Variants in INPP4B observed in about 807,000 individuals in gnomAD.
INPP4B encodes the protein inositol polyphosphate 4-phosphatase type II.
INPP4B carries 55 observed loss-of-function variants against 122.5 expected under a neutral mutation model. The observed-to-expected ratio is 0.45, with a 90% CI of 0.36 to 0.56. The LOEUF is 0.56. Ranked by LOEUF, INPP4B falls within the 20% of genes least tolerant of loss-of-function variation. The pLI is 0.00. For missense variants in INPP4B, 1,000 were observed against 1,097.7 expected, an observed-to-expected ratio of 0.91 and a Z score of 1.26; for synonymous variants, 403 against 388.7, an observed-to-expected ratio of 1.04 and a Z score of -0.43.
At chr4:142,111,989 C>G (rs763965854) in intron 22 of INPP4B, among the ~76,000 whole-genome samples, 1 of 152,032 alleles carries the variant, frequency 6.6e-6, no homozygotes, top group Admixed American at 6.6e-5. Context: ...GGTGATCCAC[C>G]CTCCTCTGCC....
intron 3 of INPP4B, among the ~76,000 whole-genome samples, chr4:142,444,601 G>A (rs910415936): frequency 1.6e-4 from 25 of 151,888 alleles, no homozygotes; most frequent in Admixed American, 7.9e-4. Context: ...ACAGTGTGGC[G>A]ATTCCTCAAG....
chr4:142,685,462 A>G (rs1037552422), intron 2 of INPP4B, among the ~76,000 whole-genome samples: 2 of 152,120 alleles, frequency 1.3e-5, no homozygotes, highest in African/African-American at 4.8e-5. Flanking sequence ...TTCACAGTAT[A>G]GTTTTTTGAT....
At chr4:142,348,522 A>C (rs1424583193) in intron 7 of INPP4B, among the ~76,000 whole-genome samples, 1 of 152,006 alleles carries the variant, frequency 6.6e-6, no homozygotes, top group African/African-American at 2.4e-5. Flanking sequence ...AGAGACACTA[A>C]AAATCATCAG....
At chr4:142,089,437 CCACACACACACACACACA>C (rs36203495) in intron 23 of INPP4B, among the ~76,000 whole-genome samples, 63 of 141,520 alleles carry the variant, frequency 4.5e-4, no homozygotes, top group Non-Finnish European at 4.9e-4. Flanking sequence ...GATGTTCTCA[CCACACACACACACACACA>C]CACACACACA....
At chr4:142,558,035 G>A (rs1729601014) in intron 2 of INPP4B, among the ~76,000 whole-genome samples, 1 of 152,188 alleles carries the variant, frequency 6.6e-6, no homozygotes, top group Non-Finnish European at 1.5e-5. Flanking sequence ...CTCTTGACCT[G>A]CATCTCTGGT....
In INPP4B at chr4:142,097,066, G is replaced by GA. The variant is rs557039254; in HGVS notation, c.2375-10811dup. Among the ~76,000 whole-genome samples the GA allele has an allele frequency of 4.0e-5, 6 of 151,350 alleles. No homozygotes were observed. In the South Asian group the frequency reaches 6.3e-4, roughly 16 times the overall value. Reference sequence around the variant, plus strand: ...AGATAATTTTGTATGTTCCCATAATGAAAAAAAAGCTATTTTAAATAAAAT... The same window carrying GA: ...AGATAATTTTGTATGTTCCCATAATGAAAAAAAAAGCTATTTTAAATAAAAT... On this transcript the variant is annotated intron_variant, in intron 23 of 25. Coordinates refer to ENST00000262992, the MANE Select transcript of INPP4B (RefSeq NM_001101669.3).
Position 142,729,588 on chromosome 4 carries a change from G to C in INPP4B, c.-253-3687C>G, listed in dbSNP as rs76697825. The stretch of plus-strand genomic sequence containing the variant: ...TACTTTCTGCTCACTAAGCAAGAAG[G>C]CTCCCTCTTTGGGACAGGCACAAAG... On this transcript the variant is annotated intron_variant, in intron 1 of 25. Coordinates refer to ENST00000262992, the MANE Select transcript of INPP4B (RefSeq NM_001101669.3). 8.5e-4 allele frequency among the ~76,000 whole-genome samples: 129 copies of C among 152,232 alleles called. 1 individual carries two copies. The highest frequency in any genetic ancestry group is 2.6e-3 in the Admixed American group (40 of 15,292).
intron 11 of INPP4B, among the ~76,000 whole-genome samples, chr4:142,256,958 G>A (rs567339409): frequency 1.3e-5 from 2 of 152,216 alleles, no homozygotes; most frequent in African/African-American, 4.8e-5. Context: ...AATCCTCAAT[G>A]AAATACTGAC....
At chr4:142,119,772 G>C in intron 21 of INPP4B, among the ~76,000 whole-genome samples, 1 of 150,034 alleles carries the variant, frequency 6.7e-6, no homozygotes. Context: ...TTGTGCACAT[G>C]TAGCCTAGAA....
rs146607249 is a variant in INPP4B at position 142,218,439 on chromosome 4, A to G, written c.837-9413T>C. 9.9e-3 allele frequency among the ~76,000 whole-genome samples: 1,510 copies of G among 152,316 alleles called. 11 individuals are homozygous for G. Among genetic ancestry groups the G allele is most frequent in the Non-Finnish European group, 0.015 (1,018 of 68,028 alleles). On this transcript the variant is annotated intron_variant, in intron 12 of 25. Coordinates refer to ENST00000262992, the MANE Select transcript of INPP4B (RefSeq NM_001101669.3). ...AAAATCTGGGTATATAAATTCAAAA[A>G]TGTCAGAAATTATGGAAGGTAATTA...
chr4:142,415,457 C>T (rs1805503759), intron 5 of INPP4B, among the ~76,000 whole-genome samples: 1 of 151,458 alleles, frequency 6.6e-6, no homozygotes, highest in Admixed American at 6.6e-5. Context: ...ACAATGATAC[C>T]ATCTCACACC....
chr4:142,063,154 G>C (rs1761889283), intron 25 of INPP4B, among the ~76,000 whole-genome samples: 1 of 152,120 alleles, frequency 6.6e-6, no homozygotes, highest in Non-Finnish European at 1.5e-5. Context: ...TTCCTTAGAG[G>C]AGAAGTCAAT....
At chr4:142,606,550 A>G (rs1235711374) in intron 2 of INPP4B, among the ~76,000 whole-genome samples, 2 of 151,952 alleles carry the variant, frequency 1.3e-5, no homozygotes, top group Non-Finnish European at 2.9e-5. Flanking sequence ...TATCAATAAA[A>G]GGGTAAAAAA....
intron 2 of INPP4B, among the ~76,000 whole-genome samples, chr4:142,620,743 G>C (rs1409007690): frequency 6.6e-6 from 1 of 151,964 alleles, no homozygotes; most frequent in Non-Finnish European, 1.5e-5. Flanking sequence ...TAGCAGCAGA[G>C]TCAAAAGAAA....
chr4:142,289,580 C>A (rs867117273), intron 9 of INPP4B, among the ~76,000 whole-genome samples: 2 of 152,296 alleles, frequency 1.3e-5, no homozygotes, highest in African/African-American at 4.8e-5. Flanking sequence ...GTTTCCCCAA[C>A]TGTGTCCCTG....
intron 2 of INPP4B, among the ~76,000 whole-genome samples, chr4:142,641,068 C>G (rs1432897990): frequency 6.6e-6 from 1 of 151,954 alleles, no homozygotes; most frequent in Admixed American, 6.6e-5. Context: ...TAATTGCACT[C>G]CTAGGTATAA....
intron 3 of INPP4B, among the ~76,000 whole-genome samples, chr4:142,453,527 T>C (rs1040782396): frequency 6.6e-6 from 1 of 152,174 alleles, no homozygotes; most frequent in Non-Finnish European, 1.5e-5. Flanking sequence ...CTTTTTATTA[T>C]GGCAGGCAAG....
chr4:142,270,917 T>C, intron 9 of INPP4B, 143 bp from the exon 10 acceptor site: 1 of 633,424 alleles, frequency 1.6e-6, no homozygotes, highest in East Asian at 2.7e-5. Context: ...GCAAAACATG[T>C]TAATAGGGTA....
chr4:142,785,922 G>T (rs1316036130), intron 1 of INPP4B, among the ~76,000 whole-genome samples: 1 of 152,050 alleles, frequency 6.6e-6, no homozygotes, highest in African/African-American at 2.4e-5. Context: ...GAAGCCAGGG[G>T]GGTTGGAGGG....
Sources: gnomAD v4.1 joint callset for allele counts (sites outside exome capture counted in the v4.1 genomes callset) on GRCh38, gnomAD v4.1.1 for gene constraint, MANE v1.5 for transcripts, NCBI Gene and HGNC (gene_info 2026-07-23, HGNC 2026-07-21) for gene names.